Variants in LSMEM1 observed in about 807,000 individuals in gnomAD.
LSMEM1 encodes leucine-rich single-pass membrane protein 1.
Under a neutral mutation model 11.3 loss-of-function variants are expected in LSMEM1, and 10 were observed. The ratio of observed to expected loss-of-function variants is 0.89; its 90% CI spans 0.55 to 1.50. LSMEM1 has a LOEUF of 1.50. LSMEM1 is among the 40% of genes most tolerant of loss of function. The pLI is 0.00. For missense variants in LSMEM1, 151 were observed against 152.9 expected, an observed-to-expected ratio of 0.99 and a Z score of 0.06; for synonymous variants, 65 against 59.3, an observed-to-expected ratio of 1.10 and a Z score of -0.44.
chr7:112,488,923 A>G (rs3095031), intron 3 of LSMEM1, among the ~76,000 whole-genome samples: 123,627 of 152,204 alleles, frequency 0.81, 51,575 homozygotes, highest in Middle Eastern at 0.93. Flanking sequence ...TGGTTTTACC[A>G]GTGCTGAAAC....
At chr7:112,487,771 G>A (rs770489563) in intron 3 of LSMEM1, among the ~76,000 whole-genome samples, 9 of 152,196 alleles carry the variant, frequency 5.9e-5, no homozygotes, top group African/African-American at 9.7e-5. Flanking sequence ...CGTTCTGAGC[G>A]TTGCCTCTTC....
At chr7:112,487,935 T>C (rs1489799435) in intron 3 of LSMEM1, among the ~76,000 whole-genome samples, 3 of 152,252 alleles carry the variant, frequency 2.0e-5, no homozygotes, top group Non-Finnish European at 4.4e-5. Flanking sequence ...TTGAGTGCTT[T>C]GTAGCCTTTG....
In LSMEM1 at chr7:112,490,654, T is replaced by C. The variant is rs1390220485; in HGVS notation, c.*705T>C. ...AAGAGTGCAGGATAAAGAAAGGAGATGGACAGTTATATGTAATTATATAAA... is the reference window on the plus strand; with the variant it reads ...AAGAGTGCAGGATAAAGAAAGGAGACGGACAGTTATATGTAATTATATAAA... On this transcript the variant is annotated 3_prime_UTR_variant, in exon 4 of 4. Coordinates refer to ENST00000312849, the MANE Select transcript of LSMEM1 (RefSeq NM_182597.3). 6.6e-6 allele frequency: 1 copy of C among 152,240 alleles called. No homozygotes were observed. Among genetic ancestry groups the C allele is most frequent in the Non-Finnish European group, 1.5e-5 (1 of 68,046 alleles). The allele number at this position is 152,240 out of a possible 1,614,324, so 9.4% of individuals were successfully genotyped here.
chr7:112,484,719 A>C, intron 1 of LSMEM1, 93 bp from the exon 2 acceptor site: 1 of 1,361,442 alleles, frequency 7.3e-7, no homozygotes, highest in Non-Finnish European at 1.0e-6. Flanking sequence ...GTGGTTCTTC[A>C]TAGGCCTGTC....
intron 2 of LSMEM1, 134 bp downstream of exon 2, chr7:112,485,077 TTTG>T (rs1796103723): frequency 2.7e-6 from 3 of 1,105,248 alleles, no homozygotes; most frequent in Non-Finnish European, 3.7e-6. Context: ...GGAAATGTTA[TTTG>T]TTGTTGGGCA....
chr7:112,480,532 A>G (rs184422494), upstream of LSMEM1, among the ~76,000 whole-genome samples: 1 of 152,350 alleles, frequency 6.6e-6, no homozygotes, highest in East Asian at 1.9e-4. Flanking sequence ...TGGTCTCCTC[A>G]TCACTGTAGC....
At chr7:112,485,039 G>C in intron 2 of LSMEM1, 96 bp downstream of exon 2, 5 of 1,330,402 alleles carry the variant, frequency 3.8e-6, no homozygotes, top group Non-Finnish European at 5.1e-6. Flanking sequence ...GGTGGAGGGG[G>C]AGGGGGCATT....
intron 3 of LSMEM1, 116 bp downstream of exon 3, chr7:112,487,167 T>A: frequency 9.4e-7 from 1 of 1,060,684 alleles, no homozygotes; most frequent in Admixed American, 2.4e-5. Context: ...CATCAATGCT[T>A]ACATTGAAAA....
chr7:112,483,383 G>A (rs1796068158), intron 1 of LSMEM1: 1 of 152,000 alleles, frequency 6.6e-6, no homozygotes, highest in South Asian at 2.1e-4. Context: ...TTTGAAAATG[G>A]TGAGATTTAA....
In LSMEM1 at chr7:112,484,914, T is replaced by A; in HGVS notation, c.98T>A (p.Leu33His). The A allele has an allele frequency of 9.9e-6, 16 of 1,613,472 alleles. No individual in the cohort carries two copies. Among genetic ancestry groups the A allele is most frequent in the Non-Finnish European group, 1.3e-5 (15 of 1,179,628 alleles). The change falls in exon 2 of 4, where the codon CTC becomes CAC. Residue 33 changes from leucine (L) to histidine (H), a missense_variant. Transcript: ENST00000312849. The part of the protein sequence containing the change: ...DSINDLNKLN[L>H]CPAGSQHLFP... Reference sequence around the variant, plus strand: ...ATAAATGACTTAAACAAACTAAACCTCTGTCCAGCCGGATCGCAGCATCTG... The same window carrying A: ...ATAAATGACTTAAACAAACTAAACCACTGTCCAGCCGGATCGCAGCATCTG...
intron 3 of LSMEM1, among the ~76,000 whole-genome samples, chr7:112,487,609 T>C (rs73430731): frequency 0.14 from 20,948 of 152,310 alleles, 1,615 homozygotes; most frequent in South Asian, 0.3. Flanking sequence ...TTGTCTGCTC[T>C]TGGCCTGGGC....
chr7:112,484,773 G>T, intron 1 of LSMEM1, 39 bp from the exon 2 acceptor site: 1 of 1,600,822 alleles, frequency 6.2e-7, no homozygotes, highest in Non-Finnish European at 8.5e-7. Context: ...GAGTTCACAA[G>T]CCCAACCTCT....
intron 1 of LSMEM1, among the ~76,000 whole-genome samples, chr7:112,484,145 T>C (rs1252296824): frequency 6.6e-6 from 1 of 152,218 alleles, no homozygotes; most frequent in Non-Finnish European, 1.5e-5. Context: ...TCCTGAAGTC[T>C]AGCAGCATTC....
intron 3 of LSMEM1, 71 bp downstream of exon 3, chr7:112,487,122 A>G: frequency 6.4e-7 from 1 of 1,551,908 alleles, no homozygotes; most frequent in East Asian, 2.3e-5. Context: ...CTTTGCTCCC[A>G]CAAAGTTTGC....
At chr7:112,485,033 G>T (rs1019072132) in intron 2 of LSMEM1, 90 bp downstream of exon 2, 2 of 1,385,872 alleles carry the variant, frequency 1.4e-6, no homozygotes, top group Non-Finnish European at 1.9e-6. Context: ...GGGTGTGGTG[G>T]AGGGGGAGGG....
At chr7:112,485,030 G>T in intron 2 of LSMEM1, 87 bp downstream of exon 2, 3 of 1,405,362 alleles carry the variant, frequency 2.1e-6, no homozygotes, top group Non-Finnish European at 1.9e-6. Context: ...TGTGGGTGTG[G>T]TGGAGGGGGA....
intron 3 of LSMEM1, among the ~76,000 whole-genome samples, chr7:112,487,505 G>A (rs551631728): frequency 6.6e-6 from 1 of 152,368 alleles, no homozygotes; most frequent in Admixed American, 6.5e-5. Context: ...TTGAGGGCTT[G>A]TGCAAGGCCC....
chr7:112,484,985 T>C (rs1382072790), intron 2 of LSMEM1, 42 bp downstream of exon 2: 2 of 1,568,268 alleles, frequency 1.3e-6, no homozygotes. Context: ...TCCTAGCTTC[T>C]AGGCTACCTA....
At chr7:112,484,379 C>T (rs956715540) in intron 1 of LSMEM1, among the ~76,000 whole-genome samples, 1 of 152,176 alleles carries the variant, frequency 6.6e-6, no homozygotes, top group Non-Finnish European at 1.5e-5. Flanking sequence ...TTAATTTTGT[C>T]TACCTAGTCT....
Sources: allele counts gnomAD v4.1 joint callset (sites outside exome capture counted in the v4.1 genomes callset), GRCh38; gene constraint gnomAD v4.1.1; transcripts MANE v1.5; gene names NCBI Gene and HGNC (gene_info 2026-07-23, HGNC 2026-07-21).